The following DDX4 variants were observed in gnomAD, a reference collection of about 807,000 sequenced individuals.
The protein encoded by DDX4 is probable ATP-dependent RNA helicase DDX4.
DDX4 carries 25 observed loss-of-function variants against 100.0 expected under a neutral mutation model. The ratio of observed to expected loss-of-function variants is 0.25; its 90% CI spans 0.18 to 0.35. The LOEUF is 0.35. Ranked by LOEUF, DDX4 falls within the 10% of genes least tolerant of loss-of-function variation. The pLI, the probability that DDX4 is intolerant of heterozygous loss-of-function variation, is 1.00. For synonymous variants in DDX4, 259 were observed against 275.7 expected, an observed-to-expected ratio of 0.94 and a Z score of 0.60; for missense variants, 635 against 882.4, an observed-to-expected ratio of 0.72 and a Z score of 3.55.
At chr5:55,740,712 G>A (rs1344901808) in intron 2 of DDX4, among the ~76,000 whole-genome samples, 10 of 145,674 alleles carry the variant, frequency 6.9e-5, no homozygotes, top group African/African-American at 2.6e-4. Flanking sequence ...TAGACACAGG[G>A]TTTCACTATG....
intron 3 of DDX4, among the ~76,000 whole-genome samples, chr5:55,747,014 T>C (rs551877520): frequency 2.2e-4 from 34 of 152,022 alleles, no homozygotes; most frequent in Non-Finnish European, 4.4e-4. Flanking sequence ...GGAAGACCAT[T>C]TGGGGCCAGG....
intron 7 of DDX4, among the ~76,000 whole-genome samples, chr5:55,772,738 T>C (rs1195344258): frequency 6.6e-6 from 1 of 152,188 alleles, no homozygotes; most frequent in Admixed American, 6.5e-5. Flanking sequence ...CTCTGCATCA[T>C]ATGATCTCTG....
intron 2 of DDX4, among the ~76,000 whole-genome samples, chr5:55,740,289 C>T (rs1208842936): frequency 1.3e-5 from 2 of 152,068 alleles, no homozygotes; most frequent in African/African-American, 2.4e-5. Context: ...CCTGCCTCAA[C>T]CTCCCTCAGC....
intron 2 of DDX4, among the ~76,000 whole-genome samples, chr5:55,745,217 T>C (rs1324094975): frequency 6.6e-6 from 1 of 152,100 alleles, no homozygotes; most frequent in African/African-American, 2.4e-5. Flanking sequence ...GTACCATTAA[T>C]TGGTTTCACT....
intron 13 of DDX4, among the ~76,000 whole-genome samples, chr5:55,786,243 C>T (rs572894898): frequency 7.2e-5 from 11 of 152,298 alleles, no homozygotes; most frequent in African/African-American, 2.6e-4. Context: ...CAAGCCATTA[C>T]TGAGCAGAAT....
At chr5:55,764,536 C>T (rs1740768197) in intron 6 of DDX4, among the ~76,000 whole-genome samples, 1 of 152,012 alleles carries the variant, frequency 6.6e-6, no homozygotes, top group Admixed American at 6.6e-5. Flanking sequence ...AATAATGATA[C>T]CAGAAGATGG....
intron 15 of DDX4, 56 bp downstream of exon 15, chr5:55,788,056 C>G: frequency 1.3e-6 from 2 of 1,495,468 alleles, no homozygotes; most frequent in Non-Finnish European, 1.8e-6. Flanking sequence ...GATTTTTTTC[C>G]CCTCACTTTT....
At chr5:55,757,474 TG>T (rs1296556761) in intron 3 of DDX4, among the ~76,000 whole-genome samples, 7 of 152,226 alleles carry the variant, frequency 4.6e-5, no homozygotes, top group Non-Finnish European at 1.0e-4. Flanking sequence ...TAGTATTCCA[TG>T]GTGTATATAT....
chr5:55,812,266 A>G (rs189012426), intron 18 of DDX4, among the ~76,000 whole-genome samples: 2 of 152,310 alleles, frequency 1.3e-5, no homozygotes, highest in Non-Finnish European at 2.9e-5. Flanking sequence ...TTAATGTGTT[A>G]ATACTTCCGT....
At chr5:55,770,814 TA>T (rs1741209960) in intron 7 of DDX4, among the ~76,000 whole-genome samples, 1 of 152,220 alleles carries the variant, frequency 6.6e-6, no homozygotes, top group Admixed American at 6.5e-5. Context: ...TCTTTTACCA[TA>T]TTTTTTTTAA....
At chr5:55,816,318 G>T in intron 21 of DDX4, 145 bp from the exon 22 acceptor site, 3 of 1,282,110 alleles carry the variant, frequency 2.3e-6, no homozygotes, top group Non-Finnish European at 3.1e-6. Context: ...ATCAGATTTA[G>T]TGAGAATAAA....
At chr5:55,740,919 T>C (rs180715860) in intron 2 of DDX4, among the ~76,000 whole-genome samples, 11 of 152,354 alleles carry the variant, frequency 7.2e-5, no homozygotes, top group African/African-American at 2.2e-4. Flanking sequence ...AGCTTCTCAC[T>C]GTGTATTGTC....
chr5:55,816,363 C>CT (rs1744417745), intron 21 of DDX4, 100 bp from the exon 22 acceptor site: 2 of 1,473,794 alleles, frequency 1.4e-6, no homozygotes, highest in Middle Eastern at 2.3e-4. Context: ...ATGGTAGATA[C>CT]TTTGAGTCCT....
chr5:55,783,633 AGATGGATG>A (rs59794903), intron 10 of DDX4, among the ~76,000 whole-genome samples: 113 of 146,754 alleles, frequency 7.7e-4, no homozygotes, highest in Middle Eastern at 3.5e-3. Flanking sequence ...AGGAGGGAGG[AGATGGATG>A]GATGGATGGA....
chr5:55,765,376 T>G (rs529313762), intron 6 of DDX4, among the ~76,000 whole-genome samples: 81 of 139,540 alleles, frequency 5.8e-4, no homozygotes, highest in African/African-American at 2.1e-3. Context: ...CTTTCTTCTT[T>G]TTTCGTTTTT....
intron 9 of DDX4, 146 bp from the exon 10 acceptor site, chr5:55,781,788 A>AT (rs1480440447): frequency 1.0e-5 from 9 of 872,158 alleles, no homozygotes; most frequent in Non-Finnish European, 1.2e-5. Context: ...AAAAAAAAAA[A>AT]GTTAAATCTA....
chr5:55,790,850 T>A (rs1742521353), intron 16 of DDX4, 145 bp downstream of exon 16: 2 of 722,642 alleles, frequency 2.8e-6, no homozygotes, highest in South Asian at 1.7e-5. Context: ...TGCATTCTTA[T>A]ATAATTCTCA....
chr5:55,779,141 G>T (rs557902756), intron 7 of DDX4, among the ~76,000 whole-genome samples: 1 of 152,284 alleles, frequency 6.6e-6, no homozygotes, highest in Admixed American at 6.5e-5. Context: ...AATCTGGGCA[G>T]TGGAGATAAG....
At chr5:55,758,897 A>G (rs1340468018) in intron 3 of DDX4, among the ~76,000 whole-genome samples, 2 of 139,090 alleles carry the variant, frequency 1.4e-5, no homozygotes, top group Non-Finnish European at 3.1e-5. Context: ...AAAAAAAAAA[A>G]AGAGGCAGAC....
Sources: allele counts gnomAD v4.1 joint callset (sites outside exome capture counted in the v4.1 genomes callset), GRCh38; gene constraint gnomAD v4.1.1; transcripts MANE v1.5; gene names NCBI Gene and HGNC (gene_info 2026-07-23, HGNC 2026-07-21).